The following KIF9 variants were observed in gnomAD, a reference collection of about 807,000 sequenced individuals.
KIF9 encodes the protein kinesin-like protein KIF9.
KIF9 carries 68 observed loss-of-function variants against 94.8 expected under a neutral mutation model. That is an observed-to-expected ratio of 0.72 (90% CI 0.59 to 0.88). KIF9 has a LOEUF of 0.88. Among genes scored for constraint, KIF9 ranks in the 40% least tolerant of loss-of-function variants. The pLI, the probability that KIF9 is intolerant of heterozygous loss-of-function variation, is 0.00. For missense variants in KIF9, 882 were observed against 982.5 expected (o/e 0.90, Z 1.37); for synonymous variants, 343 against 362.1 (o/e 0.95, Z 0.60).
Position 47,267,058 on chromosome 3 carries a change from C to G in KIF9, c.686G>C (p.Arg229Pro), listed in dbSNP as rs772217849. ...GATGTACTTTTCCTCTGATAAGGTC[C>G]GGGAATGGGCCTACAAAACATCCAA... is the stretch of plus-strand genomic sequence containing the variant. ...IFTIYLEAHS[R>P]TLSEEKYITS... Residue 229 changes from arginine to proline, a missense_variant, in exon 7 of 21, where the codon CGG becomes CCG. Coordinates refer to ENST00000684063, the MANE Select transcript of KIF9 (RefSeq NM_182902.4). 1 of 1,613,468 alleles carries G rather than the reference C, an allele frequency of 6.2e-7. No homozygotes were observed.
intron 3 of KIF9, among the ~76,000 whole-genome samples, chr3:47,274,816 A>G (rs2107507664): frequency 6.6e-6 from 1 of 152,346 alleles, no homozygotes; most frequent in Admixed American, 6.5e-5. Flanking sequence ...TCTACACTCA[A>G]TGCACTTTTA....
chr3:47,248,837 G>A (rs1700090418), intron 10 of KIF9, among the ~76,000 whole-genome samples: 1 of 152,022 alleles, frequency 6.6e-6, no homozygotes, highest in Non-Finnish European at 1.5e-5. Flanking sequence ...TCAACCTCCT[G>A]GGCTCAAGCA....
chr3:47,281,385 T>C (rs1286729544), intron 1 of KIF9, among the ~76,000 whole-genome samples: 1 of 152,178 alleles, frequency 6.6e-6, no homozygotes, highest in Non-Finnish European at 1.5e-5. Flanking sequence ...TCTCACTCTG[T>C]CACCTAGGCT....
In KIF9 at chr3:47,236,511, C is replaced by T. The variant is rs780366842; in HGVS notation, c.2033G>A (p.Arg678His). The stretch of plus-strand genomic sequence containing the variant: ...ATACTGGATCTCAGCCCTGAGGTCA[C>T]GCAGGTCCTGGTACTCGCTGCGGTA... The part of the protein sequence containing the change: ...KQYRSEYQDL[R>H]DLRAEIQYCQ... The change falls in exon 18 of 21, where the codon CGT (arginine) becomes CAT (histidine). Residue 678 changes from arginine (R) to histidine (H), a missense_variant. Coordinates refer to ENST00000684063, the MANE Select transcript of KIF9 (RefSeq NM_182902.4). 2.5e-6 allele frequency: 4 copies of T among 1,614,014 alleles called. No individual in the cohort carries two copies. Among genetic ancestry groups the T allele is most frequent in the African/African-American group, 1.3e-5 (1 of 75,038 alleles).
At chr3:47,259,562 G>A (rs905949793) in intron 9 of KIF9, among the ~76,000 whole-genome samples, 109 of 152,124 alleles carry the variant, frequency 7.2e-4, no homozygotes, top group African/African-American at 2.5e-3. Flanking sequence ...AGATCAGATT[G>A]TTACTGTGTC....
intron 11 of KIF9, among the ~76,000 whole-genome samples, chr3:47,247,814 C>T (rs976404950): frequency 1.3e-5 from 2 of 152,150 alleles, no homozygotes; most frequent in Non-Finnish European, 2.9e-5. Flanking sequence ...TGCCTCGAGG[C>T]CCCTCAGGAC....
At chr3:47,257,615 A>C (rs1700707808) in intron 9 of KIF9, 55 bp from the exon 10 acceptor site, 10 of 1,498,086 alleles carry the variant, frequency 6.7e-6, no homozygotes. Flanking sequence ...TGAGACCCCA[A>C]GAGACCGGCC....
intron 5 of KIF9, among the ~76,000 whole-genome samples, chr3:47,269,049 C>T (rs1325279652): frequency 6.6e-6 from 1 of 152,132 alleles, no homozygotes. Context: ...TCTGGGATTA[C>T]AGGTGTGAGA....
intron 1 of KIF9, among the ~76,000 whole-genome samples, chr3:47,279,310 T>TA (rs896126636): frequency 4.0e-5 from 6 of 148,258 alleles, no homozygotes; most frequent in South Asian, 4.3e-4. Flanking sequence ...CTGTTTCCAC[T>TA]AAAAAAAAAT....
intron 18 of KIF9, 97 bp downstream of exon 18, chr3:47,236,346 G>T: frequency 1.4e-6 from 2 of 1,384,362 alleles, no homozygotes; most frequent in Non-Finnish European, 2.0e-6. Flanking sequence ...GGCTCTGCCA[G>T]AGAGAAACTC....
At chr3:47,263,529 C>T in intron 9 of KIF9, 1 of 200,654 alleles carries the variant, frequency 5.0e-6, no homozygotes, top group Non-Finnish European at 1.0e-5. Context: ...TGAGAGCCCC[C>T]ACCCCCCGCA....
chr3:47,280,531 C>T (rs1702262145), intron 1 of KIF9, among the ~76,000 whole-genome samples: 1 of 152,200 alleles, frequency 6.6e-6, no homozygotes, highest in Non-Finnish European at 1.5e-5. Context: ...CACAGCAAGA[C>T]CTTGTCTCTA....
At chr3:47,258,852 A>T (rs1409678858) in intron 9 of KIF9, among the ~76,000 whole-genome samples, 1 of 152,108 alleles carries the variant, frequency 6.6e-6, no homozygotes, top group African/African-American at 2.4e-5. Context: ...ATGGACTAAT[A>T]CACCTTCTTT....
chr3:47,257,810 G>A (rs1700719290), intron 9 of KIF9, among the ~76,000 whole-genome samples: 1 of 152,178 alleles, frequency 6.6e-6, no homozygotes, highest in Admixed American at 6.5e-5. Flanking sequence ...CTGTGAGGAT[G>A]CGCACTGGTC....
At chr3:47,257,447 C>T in intron 10 of KIF9, 36 bp downstream of exon 10, 1 of 1,586,358 alleles carries the variant, frequency 6.3e-7, no homozygotes, top group Non-Finnish European at 8.7e-7. Context: ...TACACTTTCC[C>T]CACAGTGGGA....
Position 47,275,539 on chromosome 3 carries a change from G to C in KIF9, c.94-49C>G, listed in dbSNP as rs1354394755. On this transcript the variant is annotated intron_variant, in intron 2 of 20. Transcript: ENST00000684063. Reference sequence around the variant, plus strand: ...AAAAAATGTTATTTGTTCAAAAATGGGTATAAAAAAAATCACTGATAGCTG... The same window carrying C: ...AAAAAATGTTATTTGTTCAAAAATGCGTATAAAAAAAATCACTGATAGCTG... The C allele has an allele frequency of 2.7e-6, 4 of 1,465,534 alleles. No homozygotes were observed. In the South Asian group the frequency reaches 4.7e-5, roughly 17 times the overall value. 90.8% of individuals were successfully genotyped at this position (1,465,534 alleles called of 1,614,324 possible).
At chr3:47,278,750 T>C (rs1005732801) in intron 1 of KIF9, among the ~76,000 whole-genome samples, 2 of 151,982 alleles carry the variant, frequency 1.3e-5, no homozygotes, top group African/African-American at 4.8e-5. Flanking sequence ...GGCAGGTGGA[T>C]TACCTGAGGT....
Position 47,254,395 on chromosome 3 carries a change from T to C in KIF9, c.1059+3088A>G, listed in dbSNP as rs1042636302. Among the ~76,000 whole-genome samples, 5 of 152,092 alleles carry C rather than the reference T, an allele frequency of 3.3e-5. No homozygotes were observed. In the South Asian group the frequency reaches 6.2e-4, roughly 19 times the overall value. On this transcript the variant is annotated intron_variant, in intron 10 of 20. Coordinates refer to ENST00000684063, the MANE Select transcript of KIF9 (RefSeq NM_182902.4). ...ATAGCTTGAGCCTGGGAGGGAGAGGTTGCAGTGAGCTGAGATCGCACCACT... is the reference window on the plus strand; with the variant it reads ...ATAGCTTGAGCCTGGGAGGGAGAGGCTGCAGTGAGCTGAGATCGCACCACT...
chr3:47,252,028 C>T (rs1700304623), intron 10 of KIF9, among the ~76,000 whole-genome samples: 1 of 152,158 alleles, frequency 6.6e-6, no homozygotes, highest in Non-Finnish European at 1.5e-5. Flanking sequence ...CCAGCCCCAT[C>T]AGCCAAAGAA....
Sources: gnomAD v4.1 joint callset for allele counts (sites outside exome capture counted in the v4.1 genomes callset) on GRCh38, gnomAD v4.1.1 for gene constraint, MANE v1.5 for transcripts, NCBI Gene and HGNC (gene_info 2026-07-23, HGNC 2026-07-21) for gene names.